FAM227B: variants seen among roughly 807,000 people sequenced by gnomAD.
FAM227B encodes family with sequence similarity 227 member B, also known as protein FAM227B.
A neutral mutation model predicts 73.8 loss-of-function variants in FAM227B; 88 were observed. That is an observed-to-expected ratio of 1.19 (90% CI 1.00 to 1.42). FAM227B has a LOEUF of 1.42. Ranked by LOEUF, FAM227B falls within the 40% of genes most tolerant of loss-of-function variation. FAM227B has a pLI of 0.00. For missense variants in FAM227B, 632 were observed against 590.9 expected (o/e 1.07, Z -0.72); for synonymous variants, 210 against 190.5 (o/e 1.10, Z -0.84).
At chr15:49,503,224 G>A (rs528704819) in intron 11 of FAM227B, among the ~76,000 whole-genome samples, 1 of 152,170 alleles carries the variant, frequency 6.6e-6, no homozygotes, top group Non-Finnish European at 1.5e-5. Flanking sequence ...CTAGCCATAT[G>A]TAGAAAGCTG....
chr15:49,411,413 G>A (rs2048865438), intron 11 of FAM227B, among the ~76,000 whole-genome samples: 2 of 151,976 alleles, frequency 1.3e-5, no homozygotes, highest in East Asian at 1.9e-4. Flanking sequence ...CCACCTTTTT[G>A]AGAGAGAAAA....
chr15:49,525,948 T>G (rs1390189968), intron 10 of FAM227B, among the ~76,000 whole-genome samples: 1 of 151,512 alleles, frequency 6.6e-6, no homozygotes, highest in African/African-American at 2.4e-5. Context: ...AGCAATACAG[T>G]AATAGTGGAG....
intron 3 of FAM227B, among the ~76,000 whole-genome samples, chr15:49,605,369 G>A (rs1013556804): frequency 6.6e-6 from 1 of 152,156 alleles, no homozygotes; most frequent in Non-Finnish European, 1.5e-5. Flanking sequence ...ATTACCTCTT[G>A]GGTCCACCGG....
chr15:49,430,627 C>T (rs2050524715), intron 11 of FAM227B, among the ~76,000 whole-genome samples: 1 of 151,708 alleles, frequency 6.6e-6, no homozygotes, highest in South Asian at 2.1e-4. Flanking sequence ...CTAGCAAGGG[C>T]CTGCTTGCTG....
At chr15:49,608,226 A>T (rs1397225111) in intron 3 of FAM227B, among the ~76,000 whole-genome samples, 9 of 152,150 alleles carry the variant, frequency 5.9e-5, no homozygotes, top group Admixed American at 5.2e-4. Flanking sequence ...AGTGATAAGT[A>T]AGAAGAACAT....
chr15:49,375,695 T>A (rs997051291), intron 11 of FAM227B, among the ~76,000 whole-genome samples: 2 of 152,084 alleles, frequency 1.3e-5, no homozygotes, highest in Non-Finnish European at 2.9e-5. Context: ...AAACATTTTT[T>A]AAAAATCCAC....
At chr15:49,378,928 G>A (rs1054028268) in intron 11 of FAM227B, among the ~76,000 whole-genome samples, 2 of 151,934 alleles carry the variant, frequency 1.3e-5, no homozygotes, top group African/African-American at 4.8e-5. Context: ...ACTAGATGTG[G>A]GTCTGTTGTA....
At chr15:49,577,301 AC>A in intron 6 of FAM227B, 1 of 325,206 alleles carries the variant, frequency 3.1e-6, no homozygotes, top group Non-Finnish European at 5.9e-6. Flanking sequence ...CATTCCCCAC[AC>A]CCCCTGCAAA....
intron 3 of FAM227B, 147 bp from the exon 4 acceptor site, chr15:49,590,154 C>T (rs2076438879): frequency 1.7e-5 from 10 of 575,460 alleles, no homozygotes; most frequent in Admixed American, 3.5e-5. Context: ...CAATCACAAA[C>T]GTCAGAAAAG....
intron 13 of FAM227B, among the ~76,000 whole-genome samples, chr15:49,364,162 G>A (rs1201161083): frequency 6.6e-6 from 1 of 151,986 alleles, no homozygotes; most frequent in Non-Finnish European, 1.5e-5. Context: ...CCTCCTCAAT[G>A]TTTTGGAATA....
rs1406038327 is a variant in FAM227B at position 49,584,631 on chromosome 15, C to T, written c.405+3385G>A. Among the ~76,000 whole-genome samples the T allele has an allele frequency of 5.9e-5, 9 of 152,040 alleles. 1 individual carries two copies. In the South Asian group the frequency reaches 1.7e-3, roughly 28 times the overall value. On this transcript the variant is annotated intron_variant, in intron 5 of 15. Coordinates refer to ENST00000299338, the MANE Select transcript of FAM227B (RefSeq NM_152647.3). ...TAGAAACCCTATAGTCTCAAAAGCT[C>T]CTTAAGCTGATAAACAACTTCAGCG...
intron 8 of FAM227B, among the ~76,000 whole-genome samples, chr15:49,570,166 G>A (rs1043790698): frequency 3.9e-5 from 6 of 151,938 alleles, no homozygotes; most frequent in African/African-American, 1.4e-4. Context: ...GGGATTACTG[G>A]AGCATGTGGT....
At chr15:49,591,892 T>C (rs7182834) in intron 3 of FAM227B, among the ~76,000 whole-genome samples, 149,762 of 152,310 alleles carry the variant, frequency 0.98, 73,684 homozygotes, top group Middle Eastern at 1. Context: ...ACACACACCA[T>C]ATTTTCTTTT....
chr15:49,392,887 T>C (rs1214154345), intron 11 of FAM227B, among the ~76,000 whole-genome samples: 1 of 152,144 alleles, frequency 6.6e-6, no homozygotes, highest in Non-Finnish European at 1.5e-5. Flanking sequence ...TGATAGTCTA[T>C]TGGAAGATTT....
chr15:49,358,763 A>G (rs569541122), intron 13 of FAM227B, among the ~76,000 whole-genome samples: 3 of 152,294 alleles, frequency 2.0e-5, no homozygotes, highest in Non-Finnish European at 4.4e-5. Context: ...GAACCAAAAA[A>G]GAGCCTGCAT....
rs531972109 is a variant in FAM227B, at chr15:49,562,696, C to T, written c.747+5549G>A. On this transcript the variant is annotated intron_variant, in intron 9 of 15. Coordinates refer to ENST00000299338, the MANE Select transcript of FAM227B (RefSeq NM_152647.3). Reference sequence around the variant, plus strand: ...TTCCTGTGATGCAAGGTTGGTTCAGCGTACACAAATCAACAAATGTGGTTC... The same window carrying T: ...TTCCTGTGATGCAAGGTTGGTTCAGTGTACACAAATCAACAAATGTGGTTC... Among the ~76,000 whole-genome samples the T allele has an allele frequency of 1.1e-4, 16 of 152,114 alleles. No individual in the cohort carries two copies. The East Asian group carries it at 1.4e-3, about 13-fold the overall frequency.
chr15:49,492,275 A>G (rs936390993), intron 11 of FAM227B, among the ~76,000 whole-genome samples: 3 of 151,934 alleles, frequency 2.0e-5, no homozygotes, highest in African/African-American at 7.2e-5. Context: ...GAAAAGCAAG[A>G]GATCAAAACT....
intron 10 of FAM227B, among the ~76,000 whole-genome samples, chr15:49,530,300 CT>C (rs33948968): frequency 0.7 from 106,205 of 151,444 alleles, 37,544 homozygotes; most frequent in East Asian, 0.92. Context: ...TCCTATGGGT[CT>C]TTCAAAGCAT....
chr15:49,354,688 T>C (rs1236780665), intron 13 of FAM227B, among the ~76,000 whole-genome samples: 1 of 152,212 alleles, frequency 6.6e-6, no homozygotes, highest in Non-Finnish European at 1.5e-5. Context: ...TGCCCAGGCT[T>C]GATTAGGTAA....
Sources: allele counts gnomAD v4.1 joint callset (sites outside exome capture counted in the v4.1 genomes callset), GRCh38; gene constraint gnomAD v4.1.1; transcripts MANE v1.5; gene names NCBI Gene and HGNC (gene_info 2026-07-23, HGNC 2026-07-21).